Variants in AGMO observed in about 807,000 individuals in gnomAD.
The protein encoded by AGMO is alkylglycerol monooxygenase, also known as glyceryl-ether monooxygenase.
Under a neutral mutation model 60.2 loss-of-function variants are expected in AGMO, and 75 were observed. The observed-to-expected ratio is 1.25, with a 90% CI of 1.03 to 1.51. The LOEUF (loss-of-function observed/expected upper bound fraction) is 1.51. Among genes scored for constraint, AGMO ranks in the 40% most tolerant of loss-of-function variants. The probability of loss-of-function intolerance (pLI) is 0.00; values close to 1 mark genes in which losing one functional copy is unlikely to be tolerated. For missense variants in AGMO, 763 were observed against 525.5 expected (o/e 1.45, Z -4.42); for synonymous variants, 261 against 177.1 (o/e 1.47, Z -3.76).
chr7:15,322,359 ATC>A (rs1363489109), intron 12 of AGMO, among the ~76,000 whole-genome samples: 2 of 143,530 alleles, frequency 1.4e-5, no homozygotes, highest in African/African-American at 2.5e-5. Context: ...AACAATTGGG[ATC>A]CAAGGGGTTG....
chr7:15,353,260 G>T (rs1338828414), intron 12 of AGMO, among the ~76,000 whole-genome samples: 1 of 152,180 alleles, frequency 6.6e-6, no homozygotes, highest in Non-Finnish European at 1.5e-5. Flanking sequence ...GGACAGCCAT[G>T]AAAAATGTAG....
the AGMO span, among the ~76,000 whole-genome samples, chr7:15,186,924 G>C: frequency 2.0e-5 from 3 of 152,184 alleles, no homozygotes; most frequent in Non-Finnish European, 4.4e-5. Flanking sequence ...AAAAATTGGA[G>C]AGAAAGAATA....
intron 4 of AGMO, among the ~76,000 whole-genome samples, chr7:15,422,277 A>AT (rs140049520): frequency 0.075 from 11,280 of 150,862 alleles, 613 homozygotes; most frequent in African/African-American, 0.15. Flanking sequence ...TTACCTGTTT[A>AT]TTTTTTTTTA....
At chr7:15,547,499 A>C (rs1037562181) in intron 2 of AGMO, among the ~76,000 whole-genome samples, 2 of 152,118 alleles carry the variant, frequency 1.3e-5, no homozygotes, top group Non-Finnish European at 2.9e-5. Context: ...GCATTGCCTC[A>C]CTCGGGAAGC....
chr7:15,336,288 G>A (rs971240883), intron 12 of AGMO, among the ~76,000 whole-genome samples: 5 of 150,158 alleles, frequency 3.3e-5, no homozygotes, highest in Non-Finnish European at 7.4e-5. Flanking sequence ...TGTCCACCCA[G>A]TTCTTTTGTT....
In AGMO at chr7:15,487,056, A is replaced by G. The variant is rs548809842; in HGVS notation, c.410-55948T>C. ...TTGAGTAGATAAAGCAAAGTTAGGAATTAGTAAAAAGACATTAAATTACTT... is the reference window on the plus strand; with the variant it reads ...TTGAGTAGATAAAGCAAAGTTAGGAGTTAGTAAAAAGACATTAAATTACTT... On this transcript the variant is annotated intron_variant, in intron 3 of 12. Coordinates refer to ENST00000342526, the MANE Select transcript of AGMO (RefSeq NM_001004320.2). Among the ~76,000 whole-genome samples, 344 of 152,352 alleles carry G rather than the reference A, an allele frequency of 2.3e-3. 1 individual carries two copies. Among genetic ancestry groups the G allele is most frequent in the African/African-American group, 7.8e-3 (324 of 41,590 alleles).
downstream of AGMO, among the ~76,000 whole-genome samples, chr7:15,197,371 A>T (rs1583284147): frequency 6.6e-6 from 1 of 152,236 alleles, no homozygotes; most frequent in Non-Finnish European, 1.5e-5. Flanking sequence ...AATCACTAGT[A>T]AAAATGAAAT....
At chr7:15,212,446 G>C (rs75103885) in intron 12 of AGMO, among the ~76,000 whole-genome samples, 12,409 of 151,766 alleles carry the variant, frequency 0.082, 631 homozygotes, top group South Asian at 0.2. Context: ...GAGTAATACG[G>C]CCCTGAGTTT....
chr7:15,376,985 A>T (rs1783483819), intron 10 of AGMO, among the ~76,000 whole-genome samples: 1 of 152,090 alleles, frequency 6.6e-6, no homozygotes, highest in Non-Finnish European at 1.5e-5. Flanking sequence ...TACATAAAAC[A>T]AGTAAGTATT....
rs558114935 is a variant in AGMO, at chr7:15,320,178, G to T, written c.1263+45336C>A. On this transcript the variant is annotated intron_variant, in intron 12 of 12. Coordinates refer to ENST00000342526, the MANE Select transcript of AGMO (RefSeq NM_001004320.2). ...CCTAATGTAAATGACGAGTTAATGG[G>T]TGCAGCACACCACCACGGCACACGT... Among the ~76,000 whole-genome samples, 7 of 152,004 alleles carry T rather than the reference G, an allele frequency of 4.6e-5. No individual in the cohort carries two copies. In the East Asian group the frequency reaches 1.4e-3, roughly 29 times the overall value.
At chr7:15,355,250 T>C (rs10216288) in intron 12 of AGMO, among the ~76,000 whole-genome samples, 84,971 of 151,798 alleles carry the variant, frequency 0.56, 25,113 homozygotes, top group African/African-American at 0.77. Context: ...CGTCTATAAT[T>C]CCAGCACTAT....
At chr7:15,329,053 T>A (rs1226546817) in intron 12 of AGMO, among the ~76,000 whole-genome samples, 1 of 152,090 alleles carries the variant, frequency 6.6e-6, no homozygotes, top group African/African-American at 2.4e-5. Context: ...CTATCCTTCC[T>A]CCCCTGCACC....
intron 3 of AGMO, among the ~76,000 whole-genome samples, chr7:15,531,534 TCTCTATATATA>T (rs1784356457): frequency 4.8e-5 from 1 of 21,016 alleles, no homozygotes; most frequent in Non-Finnish European, 8.2e-5. Context: ...CTATATATAT[TCTCTATATATA>T]TTCTATATAT....
chr7:15,280,560 C>T (rs1783933849), intron 12 of AGMO, among the ~76,000 whole-genome samples: 1 of 152,152 alleles, frequency 6.6e-6, no homozygotes, highest in African/African-American at 2.4e-5. Flanking sequence ...GCTCTACGGC[C>T]CCACCTATAG....
At chr7:15,306,862 T>C (rs1246699958) in intron 12 of AGMO, among the ~76,000 whole-genome samples, 1 of 151,936 alleles carries the variant, frequency 6.6e-6, no homozygotes, top group Non-Finnish European at 1.5e-5. Context: ...ATTATTACAA[T>C]AAGTTATAAT....
chr7:15,418,733 C>T, intron 4 of AGMO, 80 bp from the exon 5 acceptor site: 1 of 838,276 alleles, frequency 1.2e-6, no homozygotes, highest in South Asian at 1.6e-5. Flanking sequence ...ATTCTGAATG[C>T]ATATTTCTTT....
intron 12 of AGMO, among the ~76,000 whole-genome samples, chr7:15,216,938 C>G (rs892426873): frequency 1.3e-5 from 2 of 151,854 alleles, no homozygotes; most frequent in African/African-American, 4.8e-5. Flanking sequence ...ATCTCACACC[C>G]TCAAAGGGGC....
intron 3 of AGMO, among the ~76,000 whole-genome samples, chr7:15,526,438 C>G (rs1784130424): frequency 6.6e-6 from 1 of 152,116 alleles, no homozygotes; most frequent in Admixed American, 6.5e-5. Flanking sequence ...TTACCTATAA[C>G]CTGCAAGTCC....
the AGMO span, among the ~76,000 whole-genome samples, chr7:15,124,125 T>A: frequency 6.6e-6 from 1 of 152,082 alleles, no homozygotes; most frequent in Non-Finnish European, 1.5e-5. Flanking sequence ...GTTTCCCACA[T>A]AGAGTTTCAC....
Sources: allele counts gnomAD v4.1 joint callset (sites outside exome capture counted in the v4.1 genomes callset), GRCh38; gene constraint gnomAD v4.1.1; transcripts MANE v1.5; gene names NCBI Gene and HGNC (gene_info 2026-07-23, HGNC 2026-07-21).